EFHB: variants seen among roughly 807,000 people sequenced by gnomAD.
The protein encoded by EFHB is EF-hand domain-containing family member B.
EFHB carries 91 observed loss-of-function variants against 87.2 expected under a neutral mutation model. The ratio of observed to expected loss-of-function variants is 1.04; its 90% CI spans 0.88 to 1.24. The LOEUF is 1.24. Ranked by LOEUF, EFHB falls within the 50% of genes most tolerant of loss-of-function variation. EFHB has a pLI of 0.00. For synonymous variants in EFHB, 325 were observed against 333.6 expected (o/e 0.97, Z 0.28); for missense variants, 1,084 against 998.8 (o/e 1.09, Z -1.15).
At chr3:19,905,037 A>G (rs17515038) in intron 6 of EFHB, among the ~76,000 whole-genome samples, 4,730 of 152,366 alleles carry the variant, frequency 0.031, 100 homozygotes, top group Middle Eastern at 0.075. Flanking sequence ...AAAGGTCACA[A>G]TTTGAAAAAG....
intron 10 of EFHB, among the ~76,000 whole-genome samples, chr3:19,886,464 C>T (rs1050561211): frequency 2.0e-5 from 3 of 151,780 alleles, no homozygotes; most frequent in African/African-American, 7.3e-5. Context: ...TTAAGGTAGG[C>T]TGGATGCAGT....
At chr3:19,927,486 T>C (rs2125160978) in intron 1 of EFHB, among the ~76,000 whole-genome samples, 1 of 152,318 alleles carries the variant, frequency 6.6e-6, no homozygotes, top group Non-Finnish European at 1.5e-5. Context: ...ATGGGTCTCA[T>C]AAATCCAACA....
At chr3:19,927,153 G>A (rs2125160641) in intron 1 of EFHB, among the ~76,000 whole-genome samples, 1 of 152,230 alleles carries the variant, frequency 6.6e-6, no homozygotes, top group East Asian at 1.9e-4. Flanking sequence ...ATTTACCAAT[G>A]CACTTTGTAT....
At chr3:19,934,271 T>G, upstream of EFHB, 1 of 1,397,672 alleles carries the variant, frequency 7.2e-7, no homozygotes, top group Non-Finnish European at 9.3e-7. Context: ...AAGTCCTGCT[T>G]GGACAGATCC....
chr3:19,895,325 C>CA (rs1559450704), intron 9 of EFHB, among the ~76,000 whole-genome samples: 3 of 151,330 alleles, frequency 2.0e-5, no homozygotes, highest in African/African-American at 7.3e-5. Flanking sequence ...ACTAAAAGTA[C>CA]AAAAAAATTA....
chr3:19,910,145 A>G (rs1695005812), intron 5 of EFHB, among the ~76,000 whole-genome samples: 1 of 151,908 alleles, frequency 6.6e-6, no homozygotes, highest in Non-Finnish European at 1.5e-5. Flanking sequence ...CAGAGCACGA[A>G]GCAGGCTCTT....
rs1694190494 is a variant in EFHB, at chr3:19,888,581, T to C, written c.1796A>G (p.Asp599Gly). ...ACDQANLSLD[D>G]KLLDQLFDYC... The stretch of plus-strand genomic sequence containing the variant: ...GTCAAATAGCTGGTCCAGGAGCTTG[T>C]CATCTAAACTCAAGTTGGCCTGGTC... Residue 599 changes from aspartate (D) to glycine (G), a missense_variant, in exon 10 of 13, where the codon GAC becomes GGC. By Grantham distance (94) the Asp-to-Gly change is moderately conservative. Coordinates refer to ENST00000295824, the MANE Select transcript of EFHB (RefSeq NM_144715.4). The C allele has an allele frequency of 6.2e-7, 1 of 1,604,806 alleles. No homozygotes were observed. Among genetic ancestry groups the C allele is most frequent in the Non-Finnish European group, 8.5e-7 (1 of 1,175,290 alleles).
intron 1 of EFHB, chr3:19,941,095 C>T: frequency 2.7e-6 from 1 of 377,202 alleles, no homozygotes; most frequent in Non-Finnish European, 4.9e-6. Flanking sequence ...AGGGCTGATG[C>T]TCTTATTCAG....
intron 12 of EFHB, among the ~76,000 whole-genome samples, chr3:19,881,627 G>A (rs1281310063): frequency 6.6e-6 from 1 of 152,176 alleles, no homozygotes; most frequent in Non-Finnish European, 1.5e-5. Flanking sequence ...GGGCCAGTAA[G>A]AAAGCATCAG....
intron 5 of EFHB, 30 bp downstream of exon 5, chr3:19,915,273 C>A (rs1695188664): frequency 6.8e-7 from 1 of 1,480,754 alleles, no homozygotes; most frequent in South Asian, 1.2e-5. Flanking sequence ...CCCATATCCT[C>A]AGGCCCATTT....
intron 4 of EFHB, among the ~76,000 whole-genome samples, chr3:19,917,466 A>C (rs1224821910): frequency 1.3e-5 from 2 of 152,186 alleles, no homozygotes; most frequent in African/African-American, 4.8e-5. Context: ...GGTTCCTGGA[A>C]GAGAGCCTCA....
At chr3:19,941,872 G>C (rs1696167174) in intron 1 of EFHB, among the ~76,000 whole-genome samples, 1 of 138,496 alleles carries the variant, frequency 7.2e-6, no homozygotes, top group Non-Finnish European at 1.5e-5. Flanking sequence ...AAAAAAAAAA[G>C]GCCAGGAACA....
intron 1 of EFHB, chr3:19,941,113 C>A: frequency 2.6e-6 from 1 of 378,744 alleles, no homozygotes. Flanking sequence ...CAGTTCTTTT[C>A]CATTGAAAAA....
intron 1 of EFHB, chr3:19,940,520 C>T: frequency 3.9e-6 from 2 of 506,394 alleles, no homozygotes; most frequent in Non-Finnish European, 4.0e-6. Context: ...TGAAGTTTCT[C>T]ATCTTCAACA....
upstream of EFHB, among the ~76,000 whole-genome samples, chr3:19,938,828 T>A (rs946207163): frequency 2.0e-5 from 3 of 152,178 alleles, no homozygotes; most frequent in African/African-American, 7.2e-5. Context: ...GCTTGCCACC[T>A]TACTGCGGCC....
rs2125150481 is a variant in EFHB at position 19,918,418 on chromosome 3, G to T, written c.997-6C>A. On this transcript the variant is annotated splice_region_variant and splice_polypyrimidine_tract_variant and intron_variant, in intron 3 of 12. Transcript: ENST00000295824. The stretch of plus-strand genomic sequence containing the variant: ...GGGTTTATCAATGTGTTTGCCTAAA[G>T]AAATCATACAATGCACAAATATATC... 1 of 1,574,734 alleles carries T rather than the reference G, an allele frequency of 6.4e-7. No individual in the cohort carries two copies. The highest frequency in any genetic ancestry group is 8.6e-7 in the Non-Finnish European group (1 of 1,165,502).
intron 11 of EFHB, 79 bp from the exon 12 acceptor site, chr3:19,882,810 TAC>T: frequency 2.4e-6 from 3 of 1,250,708 alleles, no homozygotes; most frequent in Non-Finnish European, 2.1e-6. Context: ...CACATGTGCA[TAC>T]TGAGCACTTA....
At chr3:19,880,935 G>T (rs907195120) in intron 12 of EFHB, among the ~76,000 whole-genome samples, 1 of 151,408 alleles carries the variant, frequency 6.6e-6, no homozygotes, top group Non-Finnish European at 1.5e-5. Flanking sequence ...AAAGGGAAAT[G>T]AAAAGGTTAG....
chr3:19,895,092 AT>A, intron 9 of EFHB: 1 of 148,226 alleles, frequency 6.7e-6, no homozygotes, highest in South Asian at 2.1e-4. Context: ...ATATTTATAT[AT>A]CAACATATAT....
Sources: allele counts gnomAD v4.1 joint callset (sites outside exome capture counted in the v4.1 genomes callset), GRCh38; gene constraint gnomAD v4.1.1; transcripts MANE v1.5; gene names NCBI Gene and HGNC (gene_info 2026-07-23, HGNC 2026-07-21).